Variants in PLSCR2 observed in about 807,000 individuals in gnomAD.
PLSCR2 encodes phospholipid scramblase 2.
Under a neutral mutation model 25.3 loss-of-function variants are expected in PLSCR2, and 18 were observed. The observed-to-expected ratio is 0.71, with a 90% CI of 0.49 to 1.06. The LOEUF is 1.06. PLSCR2 is among the 50% of genes least tolerant of loss of function. The pLI is 0.00. For missense variants in PLSCR2, 243 were observed against 269.5 expected (o/e 0.90, Z 0.69); for synonymous variants, 88 against 87.3 (o/e 1.01, Z -0.04).
chr3:146,487,152 G>A (rs564710050), intron 1 of PLSCR2, among the ~76,000 whole-genome samples: 11 of 152,158 alleles, frequency 7.2e-5, no homozygotes, highest in African/African-American at 2.4e-4. Flanking sequence ...ACTAAGTACT[G>A]ATGGAACATA....
At chr3:146,423,282 T>TCTCTCTCTCTCCCTCC (rs758576585) in intron 2 of PLSCR2, among the ~76,000 whole-genome samples, 1 of 100,962 alleles carries the variant, frequency 9.9e-6, no homozygotes, top group Non-Finnish European at 2.0e-5. Context: ...TCTCTCTCTC[T>TCTCTCTCTCTCCCTCC]CCCTGGCTAG....
At chr3:146,441,963 T>A (rs1160013681) in intron 6 of PLSCR2, 142 bp from the exon 7 acceptor site, 1 of 555,046 alleles carries the variant, frequency 1.8e-6, no homozygotes, top group Non-Finnish European at 3.2e-6. Context: ...GTGAGAAAAG[T>A]CTACAGGTAT....
rs2039055423 is a variant in PLSCR2, at chr3:146,418,555, C to A, written c.101-22634G>T. Among the ~76,000 whole-genome samples the A allele has an allele frequency of 2.6e-5, 4 of 152,128 alleles. No individual in the cohort carries two copies. The South Asian group carries it at 8.3e-4, about 32-fold the overall frequency. ...GAGAATATAGAATGAAAAAAGGAATCATTAATCCAAATAATTTTGAAATCC... is the reference window on the plus strand; with the variant it reads ...GAGAATATAGAATGAAAAAAGGAATAATTAATCCAAATAATTTTGAAATCC... On this transcript the variant is annotated intron_variant and NMD_transcript_variant, in intron 2 of 3. Coordinates refer to the PLSCR2 transcript ENST00000463633.
intron 1 of PLSCR2, among the ~76,000 whole-genome samples, chr3:146,489,853 C>T (rs1032824029): frequency 4.6e-5 from 7 of 152,040 alleles, no homozygotes; most frequent in Admixed American, 3.9e-4. Context: ...GTAGGCAATA[C>T]ATTTATGATT....
At chr3:146,479,734 A>C (rs1279094656) in intron 1 of PLSCR2, among the ~76,000 whole-genome samples, 1 of 152,222 alleles carries the variant, frequency 6.6e-6, no homozygotes, top group Non-Finnish European at 1.5e-5. Context: ...CACCAAGCAG[A>C]TCTAATAGAC....
At chr3:146,491,727 T>G (rs1247942937) in intron 1 of PLSCR2, among the ~76,000 whole-genome samples, 1 of 152,170 alleles carries the variant, frequency 6.6e-6, no homozygotes, top group African/African-American at 2.4e-5. Context: ...AAAATGACTA[T>G]GCCACTTTTC....
At chr3:146,394,160 A>G (rs2038194681) in intron 3 of PLSCR2, among the ~76,000 whole-genome samples, 1 of 151,826 alleles carries the variant, frequency 6.6e-6, no homozygotes, top group South Asian at 2.1e-4. Context: ...TGTGGTTAGT[A>G]TTTATCCATA....
At chr3:146,445,023 C>T (rs2040464883) in intron 6 of PLSCR2, among the ~76,000 whole-genome samples, 1 of 151,078 alleles carries the variant, frequency 6.6e-6, no homozygotes, top group Non-Finnish European at 1.5e-5. Context: ...ATTGCATGAA[C>T]AAACAAAGAG....
At chr3:146,489,842 T>C (rs1013380132) in intron 1 of PLSCR2, among the ~76,000 whole-genome samples, 1 of 152,100 alleles carries the variant, frequency 6.6e-6, no homozygotes, top group Non-Finnish European at 1.5e-5. Context: ...CCTTTTTCCA[T>C]GTAGGCAATA....
At chr3:146,461,716 G>T, upstream of PLSCR2, 1 of 611,590 alleles carries the variant, frequency 1.6e-6, no homozygotes, top group South Asian at 2.1e-5. Context: ...CGTGAGAGAG[G>T]AGAGTCATAA....
chr3:146,403,788 G>A (rs951622727), intron 2 of PLSCR2, among the ~76,000 whole-genome samples: 2 of 152,106 alleles, frequency 1.3e-5, no homozygotes, highest in South Asian at 4.1e-4. Context: ...AAGCTGAGGG[G>A]CTGGCATCTG....
At chr3:146,482,699 C>T (rs1487461283) in intron 1 of PLSCR2, among the ~76,000 whole-genome samples, 1 of 152,114 alleles carries the variant, frequency 6.6e-6, no homozygotes, top group Admixed American at 6.6e-5. Flanking sequence ...CTAGAAATAC[C>T]ATTTGACCCA....
intron 2 of PLSCR2, among the ~76,000 whole-genome samples, chr3:146,402,959 CT>C (rs2038529026): frequency 6.6e-6 from 1 of 152,090 alleles, no homozygotes; most frequent in South Asian, 2.1e-4. Context: ...TTTCTAACTG[CT>C]TTAAAAATCA....
At chr3:146,414,870 T>C (rs1413059257) in intron 2 of PLSCR2, among the ~76,000 whole-genome samples, 1 of 152,238 alleles carries the variant, frequency 6.6e-6, no homozygotes, top group Non-Finnish European at 1.5e-5. Flanking sequence ...GTTATACCTA[T>C]GTTTAGCATA....
At chr3:146,459,808 T>G (rs886497484) in intron 2 of PLSCR2, 40 bp downstream of exon 2, 5 of 795,994 alleles carry the variant, frequency 6.3e-6, no homozygotes, top group African/African-American at 2.8e-5. Context: ...AGAAAGAGAG[T>G]TTTTTTTTTT....
chr3:146,404,655 T>A (rs1047824899), intron 2 of PLSCR2, among the ~76,000 whole-genome samples: 1 of 152,170 alleles, frequency 6.6e-6, no homozygotes, highest in African/African-American at 2.4e-5. Flanking sequence ...TAGAGTCTCA[T>A]CTGAATCAGA....
chr3:146,393,027 CT>C (rs1296969192), intron 3 of PLSCR2, among the ~76,000 whole-genome samples: 6,049 of 104,132 alleles, frequency 0.058, 58 homozygotes, highest in Admixed American at 0.088. Flanking sequence ...ATTTACATTC[CT>C]TTTTTTTTTT....
chr3:146,481,401 C>A (rs932393767), intron 1 of PLSCR2, among the ~76,000 whole-genome samples: 8 of 152,190 alleles, frequency 5.3e-5, no homozygotes, highest in African/African-American at 1.9e-4. Context: ...GATACAAAAT[C>A]AATGTGCAAA....
downstream of PLSCR2, among the ~76,000 whole-genome samples, chr3:146,431,680 G>A (rs761883796): frequency 1.8e-4 from 28 of 152,088 alleles, no homozygotes; most frequent in Admixed American, 9.8e-4. Flanking sequence ...GCAAACATGT[G>A]GTAAAACCCT....
Sources: allele counts gnomAD v4.1 joint callset (sites outside exome capture counted in the v4.1 genomes callset), GRCh38; gene constraint gnomAD v4.1.1; transcripts MANE v1.5; gene names NCBI Gene and HGNC (gene_info 2026-07-23, HGNC 2026-07-21).